DBT: variants seen among roughly 807,000 people sequenced by gnomAD.
DBT encodes the protein lipoamide acyltransferase component of branched-chain alpha-keto acid dehydrogenase complex, mitochondrial.
A neutral mutation model predicts 51.3 loss-of-function variants in DBT; 40 were observed. The ratio of observed to expected loss-of-function variants is 0.78; its 90% CI spans 0.61 to 1.02. The LOEUF is 1.02. Among genes scored for constraint, DBT ranks in the 50% least tolerant of loss-of-function variants. The pLI, the probability that DBT is intolerant of heterozygous loss-of-function variation, is 0.00. For missense variants in DBT, 510 were observed against 580.2 expected, an observed-to-expected ratio of 0.88 and a Z score of 1.24; for synonymous variants, 181 against 190.4, an observed-to-expected ratio of 0.95 and a Z score of 0.41.
intron 1 of DBT, among the ~76,000 whole-genome samples, chr1:100,242,988 A>AG (rs1411153584): frequency 6.6e-6 from 1 of 152,056 alleles, no homozygotes; most frequent in Non-Finnish European, 1.5e-5. Flanking sequence ...CAGACAGGCC[A>AG]GGCATGGTGG....
intron 1 of DBT, 46 bp downstream of exon 1, chr1:100,249,724 G>A: frequency 6.3e-7 from 1 of 1,595,720 alleles, no homozygotes; most frequent in Non-Finnish European, 8.6e-7. Flanking sequence ...GATGACTCCG[G>A]ACAAATCACT....
At chr1:100,223,675 C>T (rs1055190182) in intron 4 of DBT, among the ~76,000 whole-genome samples, 5 of 152,044 alleles carry the variant, frequency 3.3e-5, no homozygotes, top group African/African-American at 7.2e-5. Context: ...ACTGTGTTGC[C>T]CAGGCTAGTC....
intron 1 of DBT, among the ~76,000 whole-genome samples, chr1:100,243,314 CT>C (rs1664334226): frequency 6.7e-6 from 1 of 149,708 alleles, no homozygotes; most frequent in Admixed American, 6.6e-5. Flanking sequence ...TAGACATCAT[CT>C]TTTTTTCTTT....
intron 7 of DBT, among the ~76,000 whole-genome samples, chr1:100,212,611 A>G (rs11801766): frequency 0.049 from 7,435 of 152,302 alleles, 190 homozygotes; most frequent in African/African-American, 0.068. Flanking sequence ...CTCAGCGCCC[A>G]GTAAGTGAGT....
chr1:100,248,819 C>G (rs768375526), intron 1 of DBT, among the ~76,000 whole-genome samples: 1 of 151,742 alleles, frequency 6.6e-6, no homozygotes, highest in Non-Finnish European at 1.5e-5. Context: ...CCTCTGGGAA[C>G]TCCTCTGACC....
At chr1:100,210,352 G>T (rs9700526) in intron 8 of DBT, among the ~76,000 whole-genome samples, 4,852 of 101,566 alleles carry the variant, frequency 0.048, 120 homozygotes, top group African/African-American at 0.07. Flanking sequence ...AGAAGAATAA[G>T]AATAATAATA....
chr1:100,229,391 CT>C (rs1391115439), intron 4 of DBT, among the ~76,000 whole-genome samples: 1 of 152,122 alleles, frequency 6.6e-6, no homozygotes, highest in Non-Finnish European at 1.5e-5. Flanking sequence ...TGGTCTCGAT[CT>C]CTTGACCTCG....
rs1214472222 is a variant in DBT at position 100,190,562 on chromosome 1, C to T, written c.*5693G>A. 1 of 152,136 alleles carries T rather than the reference C, an allele frequency of 6.6e-6. No individual in the cohort carries two copies. The highest frequency in any genetic ancestry group is 1.5e-5 in the Non-Finnish European group (1 of 68,052). The allele number at this position is 152,136 out of a possible 1,614,324, so 9.4% of individuals were successfully genotyped here. On this transcript the variant is annotated 3_prime_UTR_variant, in exon 11 of 11. Transcript: ENST00000370132. ...TAATCAGTGTGCTAAGGGAGTAAATCTGGTACAGTTCTGGATGTGAGGAAG... is the reference window on the plus strand; with the variant it reads ...TAATCAGTGTGCTAAGGGAGTAAATTTGGTACAGTTCTGGATGTGAGGAAG...
chr1:100,229,672 C>T (rs1403892306), intron 4 of DBT, among the ~76,000 whole-genome samples: 1 of 152,196 alleles, frequency 6.6e-6, no homozygotes, highest in East Asian at 1.9e-4. Flanking sequence ...AGTGAGATAT[C>T]TTTATCTCAG....
At chr1:100,240,701 AT>A in intron 2 of DBT, 59 bp downstream of exon 2, 7 of 1,398,940 alleles carry the variant, frequency 5.0e-6, no homozygotes, top group Non-Finnish European at 7.1e-6. Context: ...CTACTAAAAA[AT>A]ATTACTGAAT....
chr1:100,249,690 G>A, intron 1 of DBT, 80 bp downstream of exon 1: 2 of 1,407,964 alleles, frequency 1.4e-6, no homozygotes, highest in Non-Finnish European at 2.0e-6. Context: ...TGGCACCGGA[G>A]GAGAAAGTAA....
At chr1:100,215,827 A>AAAAAG (rs1419494575) in intron 6 of DBT, among the ~76,000 whole-genome samples, 156 bp downstream of exon 6, 2 of 152,222 alleles carry the variant, frequency 1.3e-5, no homozygotes, top group East Asian at 3.8e-4. Context: ...CATCTCAAAA[A>AAAAAG]AAAAGAAAAG....
chr1:100,214,997 A>C lies in DBT; in HGVS notation c.773-14T>G, dbSNP rs778860722. ...CTTTTTGAAAGCCTGAAAAGCATTAAATTGTTATTCATTTATTTAAATTCT... is the reference window on the plus strand; with the variant it reads ...CTTTTTGAAAGCCTGAAAAGCATTACATTGTTATTCATTTATTTAAATTCT... On this transcript the variant is annotated splice_polypyrimidine_tract_variant and intron_variant, in intron 6 of 10. Coordinates refer to ENST00000370132, the MANE Select transcript of DBT (RefSeq NM_001918.5). 6.3e-7 allele frequency: 1 copy of C among 1,586,780 alleles called. No homozygotes were observed. Among genetic ancestry groups the C allele is most frequent in the Non-Finnish European group, 8.7e-7 (1 of 1,155,898 alleles).
At chr1:100,227,861 G>A (rs1425479812) in intron 4 of DBT, among the ~76,000 whole-genome samples, 3 of 151,540 alleles carry the variant, frequency 2.0e-5, no homozygotes, top group African/African-American at 7.3e-5. Context: ...TCTTTTGTTT[G>A]TTTTTAAGAT....
rs1009476347 is a variant in DBT, at chr1:100,187,493, G to T, written c.*8762C>A. 4.6e-5 allele frequency: 7 copies of T among 152,100 alleles called. No individual in the cohort carries two copies. Among genetic ancestry groups the T allele is most frequent in the African/African-American group, 1.7e-4 (7 of 41,430 alleles). The allele number at this position is 152,100 out of a possible 1,614,324, so 9.4% of individuals were successfully genotyped here. On this transcript the variant is annotated 3_prime_UTR_variant, in exon 11 of 11. Coordinates refer to ENST00000370132, the MANE Select transcript of DBT (RefSeq NM_001918.5). ...AAACTATGTAATACTTTGTTTGTAGGATATTAACCCAACTTTCTAATATAT... is the reference window on the plus strand; with the variant it reads ...AAACTATGTAATACTTTGTTTGTAGTATATTAACCCAACTTTCTAATATAT...
In DBT at chr1:100,196,330, A is replaced by G. The variant is rs758423133; in HGVS notation, c.1374T>C (p.Ala458=). 2 of 1,609,554 alleles carry G rather than the reference A, an allele frequency of 1.2e-6. No homozygotes were observed. The highest frequency in any genetic ancestry group is 1.7e-6 in the Non-Finnish European group (2 of 1,178,300). Residue 458 remains alanine (A), a synonymous_variant, in exon 11 of 11, where the codon GCT becomes GCC. Coordinates refer to ENST00000370132, the MANE Select transcript of DBT (RefSeq NM_001918.5). ...ACAAATTGGAGAAGCGTGACATTGT[A>G]GCACCATCAATAACTCTGTGATCAG... is the stretch of plus-strand genomic sequence containing the variant. ...WSADHRVIDG[A]TMSRFSNLWK...
intron 3 of DBT, among the ~76,000 whole-genome samples, chr1:100,233,008 T>G (rs1663635572): frequency 6.6e-6 from 1 of 152,092 alleles, no homozygotes; most frequent in African/African-American, 2.4e-5. Flanking sequence ...AGGCAAAGAT[T>G]GGCAGAATAG....
intron 5 of DBT, 141 bp from the exon 6 acceptor site, chr1:100,216,340 C>T (rs1662486426): frequency 1.5e-6 from 1 of 682,168 alleles, no homozygotes; most frequent in Non-Finnish European, 2.6e-6. Context: ...TCATTTTCTA[C>T]TTAAGTAATC....
At chr1:100,208,242 CAT>C (rs1462641120) in intron 8 of DBT, among the ~76,000 whole-genome samples, 2 of 151,986 alleles carry the variant, frequency 1.3e-5, no homozygotes, top group Non-Finnish European at 2.9e-5. Context: ...GTAAATGAAA[CAT>C]AAGTGAATTT....
Sources: allele counts gnomAD v4.1 joint callset (sites outside exome capture counted in the v4.1 genomes callset), GRCh38; gene constraint gnomAD v4.1.1; transcripts MANE v1.5; gene names NCBI Gene and HGNC (gene_info 2026-07-23, HGNC 2026-07-21).